The following ATM variants were observed in gnomAD, a reference collection of about 807,000 sequenced individuals.
ATM encodes the protein serine-protein kinase ATM.
ATM carries 308 observed loss-of-function variants against 387.0 expected under a neutral mutation model. The observed-to-expected ratio is 0.80, with a 90% confidence interval of 0.73 to 0.87. The LOEUF is 0.87. ATM is among the 40% of genes least tolerant of loss of function. The pLI, the probability that ATM is intolerant of heterozygous loss-of-function variation, is 0.00. For missense variants in ATM, 3,312 were observed against 3,560.9 expected (o/e 0.93, Z 1.78); for synonymous variants, 1,156 against 1,187.3 (o/e 0.97, Z 0.54).
At chr11:108,318,840 AAATT>A (rs2084973717) in intron 43 of ATM, among the ~76,000 whole-genome samples, 1 of 152,162 alleles carries the variant, frequency 6.6e-6, no homozygotes, top group Non-Finnish European at 1.5e-5. Flanking sequence ...AAACCCTAAA[AAATT>A]AATTATGTTT....
intron 13 of ATM, among the ~76,000 whole-genome samples, chr11:108,255,045 T>C (rs2080387739): frequency 6.6e-6 from 1 of 152,208 alleles, no homozygotes; most frequent in African/African-American, 2.4e-5. Flanking sequence ...TACATATGGT[T>C]TGTATACAAA....
At chr11:108,326,898 T>G (rs1217446050) in intron 47 of ATM, among the ~76,000 whole-genome samples, 2 of 152,212 alleles carry the variant, frequency 1.3e-5, no homozygotes, top group African/African-American at 2.4e-5. Flanking sequence ...CGACATCGGC[T>G]CACCGCAACC....
chr11:108,310,078 C>T (rs1225371231), intron 38 of ATM, 82 bp from the exon 39 acceptor site: 1 of 1,438,270 alleles, frequency 7.0e-7, no homozygotes, highest in African/African-American at 1.4e-5. Context: ...CAGTCACTAC[C>T]ATTGTATTCT....
intron 18 of ATM, 73 bp from the exon 19 acceptor site, chr11:108,270,991 G>C: frequency 3.1e-6 from 4 of 1,302,422 alleles, no homozygotes; most frequent in Non-Finnish European, 2.2e-6. Context: ...ACTGCACCCG[G>C]CCTATGTTTA....
intron 48 of ATM, among the ~76,000 whole-genome samples, chr11:108,328,217 A>T (rs527833601): frequency 6.6e-6 from 1 of 152,290 alleles, no homozygotes; most frequent in African/African-American, 2.4e-5. Flanking sequence ...AAATAAGTGT[A>T]ACATGAAACA....
intron 40 of ATM, among the ~76,000 whole-genome samples, chr11:108,313,881 AT>A (rs956168582): frequency 2.6e-4 from 40 of 151,834 alleles, no homozygotes; most frequent in South Asian, 6.3e-4. Context: ...TTTCTATTTT[AT>A]TTTTTTTATG....
chr11:108,289,026 A>T lies in ATM; in HGVS notation c.4159A>T (p.Lys1387Ter). 6.2e-7 allele frequency: 1 copy of T among 1,613,544 alleles called. No individual in the cohort carries two copies. Reference protein sequence around the residue: ...NPPHFPSHVIKATFAYISNCH... With the variant: ...NPPHFPSHVI ...ACCTCATTTTCCATCGCATGTGATT[A>T]AAGCAACATTTGCCTATATCAGCAA... The change falls in exon 28 of 63, where the codon AAA becomes TAA. Residue 1387 changes from lysine (K) to a stop codon, truncating the protein, a stop_gained. Coordinates refer to ENST00000675843, the MANE Select transcript of ATM (RefSeq NM_000051.4). LOFTEE classifies it high-confidence loss of function.
chr11:108,357,415 G>C (rs227050), intron 61 of ATM, among the ~76,000 whole-genome samples: 2 of 151,688 alleles, frequency 1.3e-5, no homozygotes, highest in African/African-American at 4.8e-5. Flanking sequence ...CAAAGCAGCC[G>C]GGAAGCTCGA....
intron 17 of ATM, 139 bp from the exon 18 acceptor site, chr11:108,268,271 T>G (rs2081370685): frequency 8.7e-6 from 6 of 690,992 alleles, no homozygotes; most frequent in Non-Finnish European, 1.5e-5. Flanking sequence ...CTTTTGAAGC[T>G]TTCAGTATAT....
At chr11:108,328,082 A>T (rs2085864361) in intron 48 of ATM, among the ~76,000 whole-genome samples, 1 of 152,206 alleles carries the variant, frequency 6.6e-6, no homozygotes, top group Non-Finnish European at 1.5e-5. Flanking sequence ...TAGGCAAGTC[A>T]GCCCTTGCTC....
At chr11:108,251,183 A>G (rs564504829) in intron 10 of ATM, 111 bp downstream of exon 10, 101 of 1,496,294 alleles carry the variant, frequency 6.8e-5, no homozygotes, top group Non-Finnish European at 8.4e-5. Flanking sequence ...AAAGATGTCA[A>G]ATTCTATTTC....
intron 4 of ATM, among the ~76,000 whole-genome samples, chr11:108,232,527 CTTTTTTT>C (rs71047685): frequency 1.4e-4 from 8 of 58,210 alleles, no homozygotes; most frequent in South Asian, 9.2e-4. Flanking sequence ...GATTTCTCTC[CTTTTTTT>C]TTTTTTTTTT....
chr11:108,242,135 C>CA (rs199712751), intron 5 of ATM, among the ~76,000 whole-genome samples: 1,769 of 150,690 alleles, frequency 0.012, 38 homozygotes, highest in African/African-American at 0.041. Context: ...AAACAAAAAA[C>CA]AAAAAAAAGA....
At chr11:108,353,615 C>A in intron 59 of ATM, 151 bp from the exon 60 acceptor site, 1 of 647,358 alleles carries the variant, frequency 1.5e-6, no homozygotes, top group Non-Finnish European at 2.8e-6. Flanking sequence ...ATGAGGAAGG[C>A]AGCCAGAGCA....
intron 16 of ATM, among the ~76,000 whole-genome samples, chr11:108,266,782 T>A (rs2081273328): frequency 6.6e-6 from 1 of 151,700 alleles, no homozygotes; most frequent in African/African-American, 2.4e-5. Context: ...ATTGTTTGAT[T>A]AGGTAAATTT....
intron 47 of ATM, 196 bp from the exon 48 acceptor site, chr11:108,327,448 TA>T: frequency 1.9e-6 from 1 of 537,098 alleles, no homozygotes; most frequent in South Asian, 2.0e-5. Context: ...GCAATAATAA[TA>T]ATAAACAGAG....
intron 22 of ATM, among the ~76,000 whole-genome samples, chr11:108,276,913 C>G (rs2081979924): frequency 6.6e-6 from 1 of 152,200 alleles, no homozygotes; most frequent in South Asian, 2.1e-4. Flanking sequence ...ATCCGCTATT[C>G]TCTTCAGAGC....
In ATM at chr11:108,299,777, A is replaced by G. The variant is rs863224574; in HGVS notation, c.5069A>G (p.His1690Arg). 5 of 1,613,944 alleles carry G rather than the reference A, an allele frequency of 3.1e-6. No individual in the cohort carries two copies. The highest frequency in any genetic ancestry group is 2.7e-5 in the African/African-American group (2 of 74,926). ...GATTTCTCTACCATAGCTATACAACATAGTAAAGATGCATCTTATACCAAG... is the reference window on the plus strand; with the variant it reads ...GATTTCTCTACCATAGCTATACAACGTAGTAAAGATGCATCTTATACCAAG... Reference protein sequence around the residue: ...PIDFSTIAIQHSKDASYTKAL... With the variant: ...PIDFSTIAIQRSKDASYTKAL... The change falls in exon 34 of 63, where the codon CAT becomes CGT. Residue 1690 changes from histidine to arginine, a missense_variant. Transcript: ENST00000675843.
chr11:108,309,369 G>A (rs923951232), intron 38 of ATM, among the ~76,000 whole-genome samples: 1 of 152,106 alleles, frequency 6.6e-6, no homozygotes, highest in African/African-American at 2.4e-5. Flanking sequence ...TGTGTAGTAG[G>A]GTGTGCCTTA....
Sources: gnomAD v4.1 joint callset for allele counts (sites outside exome capture counted in the v4.1 genomes callset) on GRCh38, gnomAD v4.1.1 for gene constraint, MANE v1.5 for transcripts, NCBI Gene and HGNC (gene_info 2026-07-23, HGNC 2026-07-21) for gene names.